SPAG16: variants seen among roughly 807,000 people sequenced by gnomAD.
SPAG16 encodes the protein sperm-associated antigen 16 protein.
A neutral mutation model predicts 80.4 loss-of-function variants in SPAG16; 86 were observed. That is an observed-to-expected ratio of 1.07 (90% CI 0.90 to 1.28). The LOEUF is 1.28. Ranked by LOEUF, SPAG16 falls within the 50% of genes most tolerant of loss-of-function variation. The probability of loss-of-function intolerance (pLI) is 0.00; values close to 1 mark genes in which losing one functional copy is unlikely to be tolerated. For synonymous variants in SPAG16, 294 were observed against 265.9 expected (o/e 1.11, Z -1.03); for missense variants, 870 against 765.3 (o/e 1.14, Z -1.61).
chr2:214,214,534 A>C (rs896879638), intron 15 of SPAG16, among the ~76,000 whole-genome samples: 1 of 151,966 alleles, frequency 6.6e-6, no homozygotes, highest in African/African-American at 2.4e-5. Flanking sequence ...CCAGGCCTGT[A>C]GGTTTGTCTC....
chr2:213,871,907 C>G (rs1464251207), intron 11 of SPAG16, among the ~76,000 whole-genome samples: 4 of 145,080 alleles, frequency 2.8e-5, no homozygotes, highest in Non-Finnish European at 6.0e-5. Flanking sequence ...GAGCAAACAG[C>G]AGTAAAAACA....
At chr2:214,369,889 A>G (rs2126085974) in intron 15 of SPAG16, among the ~76,000 whole-genome samples, 1 of 152,260 alleles carries the variant, frequency 6.6e-6, no homozygotes, top group African/African-American at 2.4e-5. Context: ...CCTCTGGATC[A>G]TGTCCCCACT....
At chr2:213,811,416 ATCT>A (rs1482511344) in intron 10 of SPAG16, among the ~76,000 whole-genome samples, 1 of 152,080 alleles carries the variant, frequency 6.6e-6, no homozygotes, top group South Asian at 2.1e-4. Flanking sequence ...AAACTCTTAA[ATCT>A]TCTGTGTCTG....
intron 10 of SPAG16, among the ~76,000 whole-genome samples, chr2:213,709,565 T>C (rs994235435): frequency 6.6e-6 from 1 of 152,134 alleles, no homozygotes; most frequent in Non-Finnish European, 1.5e-5. Flanking sequence ...ACTTGACACA[T>C]ACTACAAAAA....
chr2:213,338,246 C>T (rs2064485259), intron 5 of SPAG16, among the ~76,000 whole-genome samples: 1 of 152,170 alleles, frequency 6.6e-6, no homozygotes, highest in African/African-American at 2.4e-5. Context: ...AAACCATTAC[C>T]AGCCACTACA....
chr2:214,177,971 G>A (rs907265984), intron 15 of SPAG16, among the ~76,000 whole-genome samples: 61 of 59,306 alleles, frequency 1.0e-3, no homozygotes, highest in Admixed American at 2.8e-3. Context: ...CAAAGTGTAT[G>A]TATATATATA....
intron 9 of SPAG16, among the ~76,000 whole-genome samples, chr2:213,394,721 A>G (rs2067945175): frequency 6.6e-6 from 1 of 152,096 alleles, no homozygotes; most frequent in South Asian, 2.1e-4. Context: ...TGACTGTTAC[A>G]CTTGGCATAA....
chr2:214,229,155 G>GAAA (rs199770222), intron 15 of SPAG16, among the ~76,000 whole-genome samples: 15 of 142,296 alleles, frequency 1.1e-4, no homozygotes, highest in African/African-American at 3.6e-4. Context: ...CGAGAAGCAG[G>GAAA]AAAAAAAAAA....
intron 13 of SPAG16, among the ~76,000 whole-genome samples, chr2:214,069,956 T>C (rs2050711554): frequency 6.6e-6 from 1 of 152,112 alleles, no homozygotes; most frequent in African/African-American, 2.4e-5. Context: ...AGATTGTAAC[T>C]TTGGTTAATA....
chr2:213,754,525 C>T (rs2068228409), intron 10 of SPAG16, among the ~76,000 whole-genome samples: 2 of 152,108 alleles, frequency 1.3e-5, no homozygotes, highest in Non-Finnish European at 2.9e-5. Context: ...GTCAGTGTAG[C>T]TTCATAATTG....
chr2:213,332,655 A>G (rs958929913), intron 5 of SPAG16, among the ~76,000 whole-genome samples: 1 of 152,192 alleles, frequency 6.6e-6, no homozygotes, highest in Non-Finnish European at 1.5e-5. Context: ...ATTCAACAAT[A>G]TATTAAAAAG....
intron 10 of SPAG16, among the ~76,000 whole-genome samples, chr2:213,768,900 A>G (rs1265592779): frequency 6.6e-6 from 1 of 152,198 alleles, no homozygotes; most frequent in African/African-American, 2.4e-5. Flanking sequence ...AGAAGGGGGT[A>G]AGTCAGGAGA....
intron 10 of SPAG16, among the ~76,000 whole-genome samples, chr2:213,691,748 A>G (rs1321287034): frequency 6.6e-6 from 1 of 152,126 alleles, no homozygotes; most frequent in Admixed American, 6.5e-5. Context: ...GTGATTTATT[A>G]TGTTTATTAT....
At chr2:213,967,437 A>T (rs10167662) in intron 12 of SPAG16, among the ~76,000 whole-genome samples, 3 of 151,924 alleles carry the variant, frequency 2.0e-5, no homozygotes, top group African/African-American at 7.3e-5. Flanking sequence ...CAAAAGAGAG[A>T]CATGTTTAAC....
intron 10 of SPAG16, among the ~76,000 whole-genome samples, chr2:213,583,508 TCA>T (rs2060362700): frequency 6.6e-6 from 1 of 152,134 alleles, no homozygotes; most frequent in Admixed American, 6.6e-5. Flanking sequence ...ATTTTTCCAC[TCA>T]CATGTGTGTA....
chr2:214,245,112 C>T (rs1298993053), intron 15 of SPAG16, among the ~76,000 whole-genome samples: 1 of 152,118 alleles, frequency 6.6e-6, no homozygotes, highest in East Asian at 1.9e-4. Context: ...CTTCAAATAG[C>T]ACCTATAAAC....
At chr2:213,881,600 G>A (rs959438599) in intron 11 of SPAG16, among the ~76,000 whole-genome samples, 8 of 152,132 alleles carry the variant, frequency 5.3e-5, no homozygotes, top group Non-Finnish European at 1.0e-4. Flanking sequence ...GGGGAACAAG[G>A]CACCTTCTCC....
chr2:214,086,375 G>A (rs2125289616), intron 13 of SPAG16, among the ~76,000 whole-genome samples: 1 of 152,244 alleles, frequency 6.6e-6, no homozygotes, highest in African/African-American at 2.4e-5. Context: ...CTCAGTTGCT[G>A]ATATGGTCTG....
chr2:214,095,442 G>T (rs1294202711), intron 13 of SPAG16, among the ~76,000 whole-genome samples: 1 of 152,092 alleles, frequency 6.6e-6, no homozygotes, highest in East Asian at 1.9e-4. Flanking sequence ...GGACTCTGTT[G>T]TTGTCAGGCT....
Sources: allele counts gnomAD v4.1 joint callset (sites outside exome capture counted in the v4.1 genomes callset), GRCh38; gene constraint gnomAD v4.1.1; transcripts MANE v1.5; gene names NCBI Gene and HGNC (gene_info 2026-07-23, HGNC 2026-07-21).